Variants in TFAP2A observed in about 807,000 individuals in gnomAD.
TFAP2A encodes the protein transcription factor AP-2 alpha.
In TFAP2A, 7 loss-of-function variants were observed where a neutral mutation model predicts 41.5. That is an observed-to-expected ratio of 0.17 (90% CI 0.10 to 0.32). The LOEUF (loss-of-function observed/expected upper bound fraction) is 0.32. Ranked by LOEUF, TFAP2A falls within the 10% of genes least tolerant of loss-of-function variation. TFAP2A has a pLI of 1.00. For missense variants in TFAP2A, 416 were observed against 563.3 expected (o/e 0.74, Z 2.65); for synonymous variants, 247 against 242.8 (o/e 1.02, Z -0.16).
At position 10,398,733 on chromosome 6, in the gene TFAP2A, G is replaced by C; in HGVS notation, c.1032-28C>G. The C allele has an allele frequency of 6.2e-7, 1 of 1,612,360 alleles. No homozygotes were observed. The highest frequency in any genetic ancestry group is 1.1e-5 in the South Asian group (1 of 91,038). On this transcript the variant is annotated intron_variant, in intron 6 of 6. Coordinates refer to ENST00000379613, the MANE Select transcript of TFAP2A (RefSeq NM_001372066.1). The surrounding 1 kb of genome is among the most constrained non-coding windows in gnomAD (Gnocchi z 5.3). The stretch of plus-strand genomic sequence containing the variant: ...GCAGCACAAGTGGAGCAGAGAGAGA[G>C]ACATAAGGCTCCACTATGGGCAGCA...
At chr6:10,403,986 G>T (rs978898552) in intron 4 of TFAP2A, among the ~76,000 whole-genome samples, 1 of 152,286 alleles carries the variant, frequency 6.6e-6, no homozygotes, top group East Asian at 1.9e-4. Flanking sequence ...GACTCAAGAG[G>T]ACAACCATTC....
At chr6:10,410,383 A>T in intron 1 of TFAP2A, 48 bp from the exon 2 acceptor site, 1 of 1,539,398 alleles carries the variant, frequency 6.5e-7, no homozygotes, top group Non-Finnish European at 8.8e-7. Context: ...TCAGGCGTCG[A>T]GCTACAACTA....
At chr6:10,419,354 T>TC, upstream of TFAP2A, 9 of 1,523,682 alleles carry the variant, frequency 5.9e-6, no homozygotes, top group Non-Finnish European at 8.2e-6. Context: ...TCCTCCCCGC[T>TC]CCGGCCCCCT....
At chr6:10,404,397 T>G (rs1395858261) in intron 4 of TFAP2A, 111 bp downstream of exon 4, 38 of 438,300 alleles carry the variant, frequency 8.7e-5, no homozygotes, top group East Asian at 5.6e-4. Context: ...CTTTCCCGCG[T>G]AGGGAGGGCC....
intron 5 of TFAP2A, among the ~76,000 whole-genome samples, chr6:10,401,184 A>T (rs774393748): frequency 1.3e-4 from 20 of 152,246 alleles, no homozygotes; most frequent in Non-Finnish European, 2.5e-4. Flanking sequence ...CAATTAGAGC[A>T]TCAAAGCCCT....
chr6:10,404,469 G>T (rs201119684), intron 4 of TFAP2A, 39 bp downstream of exon 4: 10 of 1,440,824 alleles, frequency 6.9e-6, no homozygotes, highest in Non-Finnish European at 9.2e-6. Context: ...GGTTCCCCCG[G>T]CCGCGGGGCG....
intron 2 of TFAP2A, 121 bp downstream of exon 2, chr6:10,409,780 G>C (rs1207818760): frequency 8.0e-7 from 1 of 1,247,448 alleles, no homozygotes; most frequent in Non-Finnish European, 1.1e-6. Context: ...CGAATAAAAT[G>C]TTTTTATAAG....
rs369302647 is a variant in TFAP2A, at chr6:10,404,618, G to C, written c.660C>G (p.Leu220=). The C allele has an allele frequency of 1.2e-6, 2 of 1,614,106 alleles. No individual in the cohort carries two copies. The highest frequency in any genetic ancestry group is 1.1e-5 in the South Asian group (1 of 91,090). Residue 220 remains leucine, a synonymous_variant, in exon 4 of 7, where the codon CTC becomes CTG. Transcript: ENST00000379613. ...ACTTCGAGGTGGAGCTGAGGAGCGA[G>C]AGGCGACCCGGAACTGAACAGAAGA... ...NEVFCSVPGR[L]SLLSSTSKYK... is the part of the protein sequence containing the mutation.
intron 6 of TFAP2A, among the ~76,000 whole-genome samples, chr6:10,399,157 C>T (rs1761909688): frequency 6.6e-6 from 1 of 152,224 alleles, no homozygotes; most frequent in Non-Finnish European, 1.5e-5. Flanking sequence ...TCTAGAGAGA[C>T]CTCAGCAGCA....
upstream of TFAP2A, chr6:10,415,569 G>C (rs1758211969): frequency 4.8e-6 from 1 of 206,630 alleles, no homozygotes; most frequent in African/African-American, 2.3e-5. Flanking sequence ...TGCAAAGCCC[G>C]GCACTGCTCA....
Position 10,398,837 on chromosome 6 carries a change from C to T in TFAP2A, c.1032-132G>A. The T allele has an allele frequency of 9.6e-7, 1 of 1,043,754 alleles. No individual in the cohort carries two copies. The highest frequency in any genetic ancestry group is 1.4e-6 in the Non-Finnish European group (1 of 726,602). The allele number at this position is 1,043,754 out of a possible 1,614,324, so 64.7% of individuals were successfully genotyped here. A position where few individuals can be genotyped will look rare whatever the true frequency, so the allele number is the denominator to read the frequency against. ...CCGGTACCTGACATGACCCAAGACCCCAGAGACAGACAGTGTGGCCACATG... is the reference window on the plus strand; with the variant it reads ...CCGGTACCTGACATGACCCAAGACCTCAGAGACAGACAGTGTGGCCACATG... On this transcript the variant is annotated intron_variant, in intron 6 of 6. Coordinates refer to ENST00000379613, the MANE Select transcript of TFAP2A (RefSeq NM_001372066.1). This position sits in a 1 kb window ranked among gnomAD's most constrained non-coding sequence, Gnocchi z 5.3.
At chr6:10,406,655 T>C in intron 3 of TFAP2A, 138 bp downstream of exon 3, 1 of 758,864 alleles carries the variant, frequency 1.3e-6, no homozygotes, top group Admixed American at 1.9e-5. Context: ...TAAGCATTGC[T>C]GTTCTGTGCC....
At chr6:10,410,430 ATCGCCCGT>A (rs1170113763) in intron 1 of TFAP2A, 95 bp from the exon 2 acceptor site, 32 of 1,325,450 alleles carry the variant, frequency 2.4e-5, no homozygotes, top group Non-Finnish European at 3.3e-5. Flanking sequence ...TGCGTGGGAA[ATCGCCCGT>A]TCCCGTTGGC....
chr6:10,397,978 C>T lies in TFAP2A; in HGVS notation c.*439G>A, dbSNP rs1349290262. 43 of 1,033,598 alleles carry T rather than the reference C, an allele frequency of 4.2e-5. No individual in the cohort carries two copies. The highest frequency in any genetic ancestry group is 4.9e-5 in the Non-Finnish European group (42 of 860,246). The allele number at this position is 1,033,598 out of a possible 1,614,324, so 64.0% of individuals were successfully genotyped here. A position where few individuals can be genotyped will look rare whatever the true frequency, so the allele number is the denominator to read the frequency against. On this transcript the variant is annotated 3_prime_UTR_variant, in exon 7 of 7. Transcript: ENST00000379613. ...AAGTATGTAAGGGAAGGTGGTGACTCAGTCCCATGAAGCGCATATAATTTT... is the reference window on the plus strand; with the variant it reads ...AAGTATGTAAGGGAAGGTGGTGACTTAGTCCCATGAAGCGCATATAATTTT...
upstream of TFAP2A, chr6:10,415,814 T>A (rs1758220968): frequency 6.6e-6 from 1 of 152,414 alleles, no homozygotes; most frequent in African/African-American, 2.4e-5. Context: ...CTTGGGAGTT[T>A]TATTGGCTTT....
rs1375726110 is a variant in TFAP2A, at chr6:10,398,331, T to C, written c.*86A>G. ...GCAGCAGTAGCAGCAGCAGGAAGGGTTGCTGATCCCGGAGCTGTCACCCGC... is the reference window on the plus strand; with the variant it reads ...GCAGCAGTAGCAGCAGCAGGAAGGGCTGCTGATCCCGGAGCTGTCACCCGC... On this transcript the variant is annotated 3_prime_UTR_variant, in exon 7 of 7. Transcript: ENST00000379613. The surrounding 1 kb of genome is among the most constrained non-coding windows in gnomAD (Gnocchi z 5.3). 12 of 1,602,962 alleles carry C rather than the reference T, an allele frequency of 7.5e-6. No individual in the cohort carries two copies. Among genetic ancestry groups the C allele is most frequent in the Non-Finnish European group, 9.3e-6 (11 of 1,176,500 alleles).
At chr6:10,400,407 G>A in intron 6 of TFAP2A, 41 bp downstream of exon 6, 1 of 1,613,952 alleles carries the variant, frequency 6.2e-7, no homozygotes, top group East Asian at 2.2e-5. Context: ...TCTTTCTCTT[G>A]ACAACGAGAC....
chr6:10,398,184 G>A lies in TFAP2A; in HGVS notation c.*233C>T. The A allele has an allele frequency of 6.9e-7, 1 of 1,444,680 alleles. No homozygotes were observed. The highest frequency in any genetic ancestry group is 1.4e-5 in the South Asian group (1 of 70,448). 89.5% of individuals were successfully genotyped at this position (1,444,680 alleles called of 1,614,324 possible). ...CACATGAGGGCACAGGGGTGTGGGAGCGGGTGGGGAGGTCGAGGCGGGTGC... is the reference window on the plus strand; with the variant it reads ...CACATGAGGGCACAGGGGTGTGGGAACGGGTGGGGAGGTCGAGGCGGGTGC... On this transcript the variant is annotated 3_prime_UTR_variant, in exon 7 of 7. Transcript: ENST00000379613. This position sits in a 1 kb window ranked among gnomAD's most constrained non-coding sequence, Gnocchi z 5.3.
At chr6:10,406,874 G>A (rs1757739517) in intron 2 of TFAP2A, 30 bp from the exon 3 acceptor site, 6 of 1,571,378 alleles carry the variant, frequency 3.8e-6, no homozygotes, top group African/African-American at 2.7e-5. Flanking sequence ...ATGGATGTAA[G>A]TGTATCATCA....
Sources: gnomAD v4.1 joint callset for allele counts (sites outside exome capture counted in the v4.1 genomes callset) on GRCh38, gnomAD v4.1.1 for gene constraint, Gnocchi (gnomAD v3.1) non-coding constraint, MANE v1.5 for transcripts, NCBI Gene and HGNC (gene_info 2026-07-23, HGNC 2026-07-21) for gene names.